Variants in ADAMTS6 observed in about 807,000 individuals in gnomAD.
The protein encoded by ADAMTS6 is A disintegrin and metalloproteinase with thrombospondin motifs 6.
ADAMTS6 carries 23 observed loss-of-function variants against 144.3 expected under a neutral mutation model. The ratio of observed to expected loss-of-function variants is 0.16; its 90% CI spans 0.11 to 0.23. The LOEUF (loss-of-function observed/expected upper bound fraction) is 0.23. Among genes scored for constraint, ADAMTS6 ranks in the 10% least tolerant of loss-of-function variants. ADAMTS6 has a pLI of 1.00. For missense variants in ADAMTS6, 999 were observed against 1,379.6 expected (o/e 0.72, Z 4.37); for synonymous variants, 444 against 457.5 (o/e 0.97, Z 0.38).
chr5:65,435,390 T>C (rs528672543), intron 7 of ADAMTS6, among the ~76,000 whole-genome samples: 4 of 152,206 alleles, frequency 2.6e-5, no homozygotes, highest in Non-Finnish European at 4.4e-5. Flanking sequence ...TAAAAGCAAA[T>C]ATGATAAAAA....
rs190450792 is a variant in ADAMTS6 at position 65,264,563 on chromosome 5, G to A, written c.1621-1601C>T. On this transcript the variant is annotated intron_variant, in intron 12 of 24. Transcript: ENST00000381055. ...CATGTAACAGTGATTCTGTCCTACT[G>A]CTTTAGTTCCCTCTTACCACTTACC... Among the ~76,000 whole-genome samples the A allele has an allele frequency of 2.6e-4, 40 of 152,138 alleles. No homozygotes were observed. In the East Asian group the frequency reaches 3.3e-3, roughly 13 times the overall value.
rs149026149 is a variant in ADAMTS6, at chr5:65,280,792, C to G, written c.1513-7345G>C. Among the ~76,000 whole-genome samples, 625 of 152,164 alleles carry G rather than the reference C, an allele frequency of 4.1e-3. 3 individuals carry two copies. Among genetic ancestry groups the G allele is most frequent in the African/African-American group, 0.014 (584 of 41,526 alleles). On this transcript the variant is annotated intron_variant, in intron 11 of 24. Coordinates refer to ENST00000381055, the MANE Select transcript of ADAMTS6 (RefSeq NM_197941.4). ...TGTTGTTGAAACTGGAACTATTTTC[C>G]TAGAGTTTAGAAAGTCAATTTTATA...
intron 9 of ADAMTS6, among the ~76,000 whole-genome samples, chr5:65,319,002 T>C (rs527804174): frequency 1.3e-5 from 2 of 152,208 alleles, no homozygotes; most frequent in Admixed American, 1.3e-4. Flanking sequence ...CACATAAATA[T>C]ATATATCAAC....
At chr5:65,338,333 C>T (rs1207452025) in intron 7 of ADAMTS6, among the ~76,000 whole-genome samples, 1 of 152,150 alleles carries the variant, frequency 6.6e-6, no homozygotes, top group East Asian at 1.9e-4. Flanking sequence ...CATTCTTTTA[C>T]CCTAAATTCA....
chr5:65,344,826 A>G (rs944646464), intron 7 of ADAMTS6, among the ~76,000 whole-genome samples: 2 of 151,730 alleles, frequency 1.3e-5, no homozygotes, highest in Admixed American at 1.3e-4. Flanking sequence ...ATGTCATCTG[A>G]CTATGCTATT....
rs1441841762 is a variant in ADAMTS6 at position 65,267,349 on chromosome 5, C to T, written c.1621-4387G>A. Among the ~76,000 whole-genome samples the T allele has an allele frequency of 2.6e-5, 4 of 152,152 alleles. No homozygotes were observed. In the East Asian group the frequency reaches 7.7e-4, roughly 29 times the overall value. On this transcript the variant is annotated intron_variant, in intron 12 of 24. Coordinates refer to ENST00000381055, the MANE Select transcript of ADAMTS6 (RefSeq NM_197941.4). The stretch of plus-strand genomic sequence containing the variant: ...GGATAAATTGGATAAATTTGGCCTT[C>T]TTCTTGCTAATTGGGGTATGTTTAA...
At chr5:65,373,671 C>T (rs533847046) in intron 7 of ADAMTS6, among the ~76,000 whole-genome samples, 4 of 152,238 alleles carry the variant, frequency 2.6e-5, no homozygotes, top group Admixed American at 6.5e-5. Context: ...CCGAATTCTA[C>T]CAGAGGTACA....
chr5:65,444,146 C>T (rs1327168194), intron 7 of ADAMTS6, among the ~76,000 whole-genome samples: 3 of 152,152 alleles, frequency 2.0e-5, no homozygotes, highest in East Asian at 3.8e-4. Flanking sequence ...AATCCCAGCA[C>T]TTTGGGAGGC....
intron 20 of ADAMTS6, among the ~76,000 whole-genome samples, chr5:65,203,107 T>C (rs1319919186): frequency 6.6e-6 from 1 of 152,180 alleles, no homozygotes; most frequent in South Asian, 2.1e-4. Context: ...TTGTTTCAAG[T>C]GCCTAAGTTT....
intron 9 of ADAMTS6, among the ~76,000 whole-genome samples, chr5:65,314,874 C>G (rs1391341823): frequency 6.6e-6 from 1 of 152,032 alleles, no homozygotes; most frequent in African/African-American, 2.4e-5. Context: ...TGACATCGCT[C>G]AGGAACTTAG....
intron 22 of ADAMTS6, among the ~76,000 whole-genome samples, chr5:65,183,975 A>T (rs1754520069): frequency 6.6e-6 from 1 of 152,222 alleles, no homozygotes. Flanking sequence ...AGAAGATATT[A>T]TAAAATTTAG....
intron 7 of ADAMTS6, among the ~76,000 whole-genome samples, chr5:65,404,140 T>TA (rs1754202906): frequency 6.6e-6 from 1 of 152,062 alleles, no homozygotes; most frequent in South Asian, 2.1e-4. Flanking sequence ...TAAGAAAATA[T>TA]AATTCACTTA....
intron 20 of ADAMTS6, among the ~76,000 whole-genome samples, chr5:65,205,372 C>CA (rs533560838): frequency 6.6e-6 from 1 of 152,128 alleles, no homozygotes; most frequent in Non-Finnish European, 1.5e-5. Flanking sequence ...TTAGAATTGA[C>CA]AAAAAATTAA....
intron 22 of ADAMTS6, among the ~76,000 whole-genome samples, chr5:65,178,066 A>C (rs1441242329): frequency 1.3e-5 from 2 of 152,226 alleles, no homozygotes; most frequent in Admixed American, 6.5e-5. Flanking sequence ...GAAGGGATGC[A>C]GTGAGCTTAA....
At chr5:65,401,443 G>C (rs1753910147) in intron 7 of ADAMTS6, among the ~76,000 whole-genome samples, 1 of 152,160 alleles carries the variant, frequency 6.6e-6, no homozygotes, top group African/African-American at 2.4e-5. Flanking sequence ...TTCCCAGATA[G>C]ATCCCTTTCC....
intron 7 of ADAMTS6, among the ~76,000 whole-genome samples, chr5:65,408,542 T>A (rs1382247174): frequency 6.6e-6 from 1 of 152,022 alleles, no homozygotes; most frequent in Admixed American, 6.6e-5. Context: ...TCCCATACAA[T>A]AATAATGGGA....
intron 21 of ADAMTS6, among the ~76,000 whole-genome samples, chr5:65,193,887 C>T (rs566805589): frequency 2.6e-5 from 4 of 152,238 alleles, no homozygotes; most frequent in African/African-American, 9.6e-5. Flanking sequence ...TTGTCAAAGA[C>T]TTCAAATGTT....
At chr5:65,343,936 C>G (rs1186567974) in intron 7 of ADAMTS6, among the ~76,000 whole-genome samples, 1 of 152,020 alleles carries the variant, frequency 6.6e-6, no homozygotes, top group Non-Finnish European at 1.5e-5. Context: ...GAATGGCCAA[C>G]ACATACATTT....
intron 21 of ADAMTS6, among the ~76,000 whole-genome samples, chr5:65,189,148 A>C (rs1370179822): frequency 2.0e-5 from 3 of 152,200 alleles, no homozygotes; most frequent in Non-Finnish European, 4.4e-5. Flanking sequence ...AAAAAATAAC[A>C]TGTCTCACAT....
Sources: gnomAD v4.1 joint callset for allele counts (sites outside exome capture counted in the v4.1 genomes callset) on GRCh38, gnomAD v4.1.1 for gene constraint, MANE v1.5 for transcripts, NCBI Gene and HGNC (gene_info 2026-07-23, HGNC 2026-07-21) for gene names.